Variants in SH3RF2 observed in about 807,000 individuals in gnomAD.
SH3RF2 encodes E3 ubiquitin-protein ligase SH3RF2.
Under a neutral mutation model 59.0 loss-of-function variants are expected in SH3RF2, and 43 were observed. The observed-to-expected ratio is 0.73, with a 90% CI of 0.57 to 0.94. SH3RF2 has a LOEUF of 0.94. Among genes scored for constraint, SH3RF2 ranks in the 40% least tolerant of loss-of-function variants. The pLI, the probability that SH3RF2 is intolerant of heterozygous loss-of-function variation, is 0.00. For missense variants in SH3RF2, 930 were observed against 940.1 expected, an observed-to-expected ratio of 0.99 and a Z score of 0.14; for synonymous variants, 391 against 391.5, an observed-to-expected ratio of 1.00 and a Z score of 0.01.
chr5:146,077,999 C>T (rs1352007965), intron 9 of SH3RF2, among the ~76,000 whole-genome samples: 1 of 152,066 alleles, frequency 6.6e-6, no homozygotes, highest in Non-Finnish European at 1.5e-5. Flanking sequence ...TGAGCCTATA[C>T]TGACATAAAT....
At chr5:146,078,783 A>G (rs1427782688) in exon 10 of SH3RF2, 2 of 152,270 alleles carry the variant, frequency 1.3e-5, no homozygotes, top group Admixed American at 6.5e-5. Flanking sequence ...GCCAAACTTT[A>G]TCTTGCTAAT....
intron 9 of SH3RF2, among the ~76,000 whole-genome samples, chr5:146,073,354 T>C (rs1763274973): frequency 6.6e-6 from 1 of 152,252 alleles, no homozygotes; most frequent in Non-Finnish European, 1.5e-5. Flanking sequence ...CTCTGGGCAC[T>C]TGCAGCTTCC....
chr5:145,943,575 A>G (rs773259636), intron 2 of SH3RF2, among the ~76,000 whole-genome samples: 9 of 152,156 alleles, frequency 5.9e-5, no homozygotes, highest in Non-Finnish European at 1.0e-4. Context: ...TTTCATTTCT[A>G]TGTGTATTGG....
intron 2 of SH3RF2, among the ~76,000 whole-genome samples, chr5:145,984,730 C>T (rs746980394): frequency 2.6e-5 from 4 of 152,210 alleles, no homozygotes; most frequent in Admixed American, 6.5e-5. Flanking sequence ...CCATGAAGTT[C>T]AGCTCTATAG....
intron 5 of SH3RF2, among the ~76,000 whole-genome samples, chr5:146,021,434 C>T (rs1211088517): frequency 1.3e-5 from 2 of 152,156 alleles, no homozygotes; most frequent in African/African-American, 4.8e-5. Flanking sequence ...ACTCACTGAG[C>T]ATTCCCAAAG....
chr5:145,989,562 T>A (rs930897866), intron 2 of SH3RF2, among the ~76,000 whole-genome samples: 2 of 152,206 alleles, frequency 1.3e-5, no homozygotes, highest in African/African-American at 4.8e-5. Flanking sequence ...ATACATAACT[T>A]GAGTCAAAGG....
chr5:146,049,805 CTCTTACATTGTG>C (rs2150015571), intron 7 of SH3RF2, among the ~76,000 whole-genome samples: 1 of 152,250 alleles, frequency 6.6e-6, no homozygotes, highest in South Asian at 2.1e-4. Flanking sequence ...TTTTCCCGAT[CTCTTACATTGTG>C]TGGCATACTG....
chr5:146,069,541 C>A (rs1463214348), intron 9 of SH3RF2, among the ~76,000 whole-genome samples: 1 of 152,142 alleles, frequency 6.6e-6, no homozygotes, highest in East Asian at 1.9e-4. Context: ...ATCATAAGAA[C>A]CTTGTGAGGT....
chr5:146,013,880 G>A lies in SH3RF2; in HGVS notation c.878G>A (p.Arg293Lys). The change falls in exon 5 of 10, where the codon AGG (arginine) becomes AAG (lysine). Residue 293 changes from arginine to lysine, a missense_variant. Transcript: ENST00000359120. ...CTCCGTAGGGGCCCAGGGTCCAGGA[G>A]GAAGGTGCCTGGGCAGTTTTCCATC... ...STLRRGPGSR[R>K]KVPGQFSITT... 1 of 1,614,190 alleles carries A rather than the reference G, an allele frequency of 6.2e-7. No individual in the cohort carries two copies. Among genetic ancestry groups the A allele is most frequent in the Non-Finnish European group, 8.5e-7 (1 of 1,180,022 alleles).
At chr5:146,060,357 C>G (rs569938465) in intron 9 of SH3RF2, 133 bp downstream of exon 9, 3 of 762,462 alleles carry the variant, frequency 3.9e-6, no homozygotes, top group Non-Finnish European at 6.1e-6. Context: ...ACACATAACA[C>G]TCCTCCTCCC....
chr5:146,041,622 T>A (rs1762128708), intron 5 of SH3RF2, among the ~76,000 whole-genome samples: 1 of 152,164 alleles, frequency 6.6e-6, no homozygotes, highest in Admixed American at 6.5e-5. Flanking sequence ...TACCAATACC[T>A]AATTTTCTAT....
chr5:146,013,190 G>T (rs1401235370), intron 4 of SH3RF2, among the ~76,000 whole-genome samples: 2 of 152,146 alleles, frequency 1.3e-5, no homozygotes, highest in African/African-American at 4.8e-5. Context: ...CAAACACTAA[G>T]CATCTACTCT....
chr5:146,011,395 A>C (rs2149991482), intron 4 of SH3RF2, among the ~76,000 whole-genome samples: 1 of 152,244 alleles, frequency 6.6e-6, no homozygotes, highest in Non-Finnish European at 1.5e-5. Context: ...ACTTTACAGT[A>C]GTTTTTAAAA....
chr5:145,981,249 T>C (rs1759496038), intron 2 of SH3RF2, among the ~76,000 whole-genome samples: 1 of 151,978 alleles, frequency 6.6e-6, no homozygotes. Flanking sequence ...CATATGCCAC[T>C]ACACCCAGCT....
At chr5:146,032,666 A>G (rs72818497) in intron 5 of SH3RF2, among the ~76,000 whole-genome samples, 24,213 of 152,196 alleles carry the variant, frequency 0.16, 2,735 homozygotes, top group Non-Finnish European at 0.24. Flanking sequence ...ACCTCAGCTC[A>G]GGGCCAAAGC....
chr5:146,048,314 C>CA (rs34925445), intron 6 of SH3RF2, among the ~76,000 whole-genome samples: 41,753 of 138,444 alleles, frequency 0.3, 7,041 homozygotes, highest in Non-Finnish European at 0.4. Context: ...GACCCTGTCT[C>CA]AAAAAAAAAA....
intron 5 of SH3RF2, among the ~76,000 whole-genome samples, chr5:146,035,537 A>G (rs1388422567): frequency 6.6e-6 from 1 of 152,182 alleles, no homozygotes; most frequent in Admixed American, 6.5e-5. Context: ...CGGTGAAAGC[A>G]TAGCAAAGTG....
rs544081626 is a variant in SH3RF2 at position 146,005,757 on chromosome 5, A to C, written c.744+1604A>C. Among the ~76,000 whole-genome samples the C allele has an allele frequency of 1.4e-4, 22 of 152,168 alleles. No individual in the cohort carries two copies. In the South Asian group the frequency reaches 4.6e-3, roughly 32 times the overall value. On this transcript the variant is annotated intron_variant, in intron 4 of 9. Transcript: ENST00000359120. Reference sequence around the variant, plus strand: ...CTACTTTGTCCATAAAATTTCAGCAAGTAGTTAAACCCTCAATGGCCTCTT... The same window carrying C: ...CTACTTTGTCCATAAAATTTCAGCACGTAGTTAAACCCTCAATGGCCTCTT...
At chr5:146,034,284 G>T (rs1024633125) in intron 5 of SH3RF2, among the ~76,000 whole-genome samples, 1 of 152,178 alleles carries the variant, frequency 6.6e-6, no homozygotes, top group Admixed American at 6.5e-5. Context: ...AGCTTGTGTG[G>T]CTCATGCAGT....
Sources: allele counts gnomAD v4.1 joint callset (sites outside exome capture counted in the v4.1 genomes callset), GRCh38; gene constraint gnomAD v4.1.1; transcripts MANE v1.5; gene names NCBI Gene and HGNC (gene_info 2026-07-23, HGNC 2026-07-21).